Variants in RIMS1 observed in about 807,000 individuals in gnomAD.
RIMS1 encodes the protein regulating synaptic membrane exocytosis 1.
RIMS1 carries 83 observed loss-of-function variants against 214.1 expected under a neutral mutation model. The observed-to-expected ratio is 0.39, with a 90% confidence interval of 0.32 to 0.47. RIMS1 has a LOEUF of 0.47. Ranked by LOEUF, RIMS1 falls within the 20% of genes least tolerant of loss-of-function variation. The pLI, the probability that RIMS1 is intolerant of heterozygous loss-of-function variation, is 0.99. For missense variants in RIMS1, 2,050 were observed against 2,161.8 expected, an observed-to-expected ratio of 0.95 and a Z score of 1.03; for synonymous variants, 793 against 786.8, an observed-to-expected ratio of 1.01 and a Z score of -0.13.
chr6:72,371,501 T>C (rs1377044264), intron 29 of RIMS1, among the ~76,000 whole-genome samples: 4 of 152,212 alleles, frequency 2.6e-5, no homozygotes, highest in Non-Finnish European at 4.4e-5. Flanking sequence ...TTTGTCCATA[T>C]TTGAATTTTA....
intron 29 of RIMS1, among the ~76,000 whole-genome samples, chr6:72,373,419 T>C (rs961895391): frequency 1.3e-5 from 2 of 152,212 alleles, no homozygotes; most frequent in African/African-American, 2.4e-5. Context: ...TTCCCACTTA[T>C]TGAAGTGTGG....
chr6:72,003,875 A>AATT (rs1351613653), intron 2 of RIMS1, among the ~76,000 whole-genome samples: 1 of 146,820 alleles, frequency 6.8e-6, no homozygotes, highest in Non-Finnish European at 1.5e-5. Context: ...TCTTTTTTTT[A>AATT]ATTATTATTA....
intron 29 of RIMS1, chr6:72,365,933 T>C (rs2097995639): frequency 6.6e-6 from 1 of 152,162 alleles, no homozygotes; most frequent in Admixed American, 6.5e-5. Context: ...TTTTGGAGGG[T>C]TTTGTTTTCA....
intron 6 of RIMS1, among the ~76,000 whole-genome samples, chr6:72,222,256 A>G (rs977830783): frequency 6.6e-6 from 1 of 152,042 alleles, no homozygotes; most frequent in African/African-American, 2.4e-5. Flanking sequence ...AATTTAATTC[A>G]GTTACATAAT....
chr6:71,960,048 T>G (rs575961330), intron 1 of RIMS1, among the ~76,000 whole-genome samples: 1 of 152,288 alleles, frequency 6.6e-6, no homozygotes, highest in African/African-American at 2.4e-5. Context: ...GTTTTGTTGT[T>G]TATTGCTTTT....
At chr6:72,266,619 C>T (rs187026046) in intron 22 of RIMS1, among the ~76,000 whole-genome samples, 4 of 152,052 alleles carry the variant, frequency 2.6e-5, no homozygotes, top group Non-Finnish European at 4.4e-5. Context: ...TTCCTGATGC[C>T]TAACAAAAAG....
chr6:72,306,406 CTG>C (rs2095171734), intron 26 of RIMS1, among the ~76,000 whole-genome samples: 1 of 152,100 alleles, frequency 6.6e-6, no homozygotes, highest in South Asian at 2.1e-4. Context: ...CTACACATGA[CTG>C]TACCTTAGCT....
intron 6 of RIMS1, among the ~76,000 whole-genome samples, chr6:72,232,036 T>A (rs927208681): frequency 6.6e-6 from 1 of 151,672 alleles, no homozygotes; most frequent in African/African-American, 2.4e-5. Context: ...TCTTGAAGTG[T>A]TTAAAGTAGA....
At position 71,899,266 on chromosome 6, in the gene RIMS1, G is replaced by C. The variant is rs1002255190; in HGVS notation, c.164+12079G>C. Among the ~76,000 whole-genome samples, 10 of 151,804 alleles carry C rather than the reference G, an allele frequency of 6.6e-5. No individual in the cohort carries two copies. The South Asian group carries it at 2.1e-3, about 32-fold the overall frequency. ...GATTCCAAATAACTTTTCCTATTAT[G>C]CTTTTGAATTATGTATATATTAAAA... On this transcript the variant is annotated intron_variant, in intron 1 of 33. Transcript: ENST00000521978.
At chr6:72,290,254 A>T (rs115637349) in intron 24 of RIMS1, among the ~76,000 whole-genome samples, 2 of 152,168 alleles carry the variant, frequency 1.3e-5, no homozygotes, top group African/African-American at 2.4e-5. Flanking sequence ...TTCTTCTTGA[A>T]GGCAAGCACT....
chr6:72,342,220 C>T (rs2097115714), intron 29 of RIMS1, among the ~76,000 whole-genome samples: 1 of 151,832 alleles, frequency 6.6e-6, no homozygotes, highest in Non-Finnish European at 1.5e-5. Flanking sequence ...GCCCACTCCA[C>T]TCTCCATTTT....
rs186088831 is a variant in RIMS1, at chr6:72,279,317, G to A, written c.3483-4730G>A. Among the ~76,000 whole-genome samples, 69 of 151,972 alleles carry A rather than the reference G, an allele frequency of 4.5e-4. No individual in the cohort carries two copies. The East Asian group carries it at 6.4e-3, about 14-fold the overall frequency. Reference sequence around the variant, plus strand: ...AAAATGGAACTTCAAAAGAATTGGGGTTTAAGTAGAAACATCCCATTTTCT... The same window carrying A: ...AAAATGGAACTTCAAAAGAATTGGGATTTAAGTAGAAACATCCCATTTTCT... On this transcript the variant is annotated intron_variant, in intron 23 of 33. Coordinates refer to ENST00000521978, the MANE Select transcript of RIMS1 (RefSeq NM_014989.7).
At chr6:72,246,371 A>G (rs971124305) in intron 11 of RIMS1, among the ~76,000 whole-genome samples, 1 of 152,200 alleles carries the variant, frequency 6.6e-6, no homozygotes, top group Non-Finnish European at 1.5e-5. Flanking sequence ...GAGGGTTGAA[A>G]GAATTATCTA....
intron 2 of RIMS1, among the ~76,000 whole-genome samples, chr6:72,020,244 G>A (rs1026778278): frequency 3.9e-5 from 6 of 152,142 alleles, no homozygotes; most frequent in African/African-American, 1.4e-4. Context: ...ATGCAAGTTT[G>A]TCCTACCTTC....
intron 29 of RIMS1, chr6:72,365,744 A>G (rs1660486620): frequency 6.6e-6 from 1 of 152,248 alleles, no homozygotes; most frequent in Non-Finnish European, 1.5e-5. Flanking sequence ...AGAACACTCT[A>G]GACTCTAATG....
intron 6 of RIMS1, among the ~76,000 whole-genome samples, chr6:72,202,848 G>T (rs1272915203): frequency 6.6e-6 from 1 of 151,898 alleles, no homozygotes. Flanking sequence ...TAAGTCTCAA[G>T]TTCAATCGTT....
At chr6:72,362,002 T>TATTGC (rs2097846575) in intron 29 of RIMS1, among the ~76,000 whole-genome samples, 1 of 152,064 alleles carries the variant, frequency 6.6e-6, no homozygotes, top group Admixed American at 6.6e-5. Context: ...TATTGTATTG[T>TATTGC]ATTGTATTGT....
At chr6:72,175,137 A>T (rs73530658) in intron 4 of RIMS1, among the ~76,000 whole-genome samples, 49 of 152,342 alleles carry the variant, frequency 3.2e-4, no homozygotes, top group African/African-American at 1.1e-3. Context: ...TAGAGAAAGG[A>T]AAATGAGCAA....
chr6:72,347,912 A>G (rs953816202), intron 29 of RIMS1, among the ~76,000 whole-genome samples: 4 of 151,820 alleles, frequency 2.6e-5, no homozygotes, highest in Non-Finnish European at 5.9e-5. Context: ...CACAAAATGA[A>G]CTCCGAAGTA....
Sources: allele counts gnomAD v4.1 joint callset (sites outside exome capture counted in the v4.1 genomes callset), GRCh38; gene constraint gnomAD v4.1.1; transcripts MANE v1.5; gene names NCBI Gene and HGNC (gene_info 2026-07-23, HGNC 2026-07-21).